The following VPS13B variants were observed in gnomAD, a reference collection of about 807,000 sequenced individuals.
VPS13B encodes the protein vacuolar protein sorting 13 homolog B.
In VPS13B, 285 loss-of-function variants were observed where a neutral mutation model predicts 426.4. The observed-to-expected ratio is 0.67, with a 90% CI of 0.61 to 0.74. The LOEUF (loss-of-function observed/expected upper bound fraction) is 0.74. Among genes scored for constraint, VPS13B ranks in the 30% least tolerant of loss-of-function variants. The pLI is 0.00. For missense variants in VPS13B, 4,537 were observed against 4,782.6 expected, an observed-to-expected ratio of 0.95 and a Z score of 1.51; for synonymous variants, 1,676 against 1,676.4, an observed-to-expected ratio of 1.00 and a Z score of 0.01.
intron 21 of VPS13B, among the ~76,000 whole-genome samples, chr8:99,428,090 A>G (rs1475146385): frequency 2.6e-5 from 4 of 152,190 alleles, no homozygotes; most frequent in Non-Finnish European, 2.9e-5. Context: ...CCATATGTAG[A>G]AAGCTGAAAC....
chr8:99,759,123 C>T (rs1810788901), intron 39 of VPS13B, among the ~76,000 whole-genome samples: 1 of 152,148 alleles, frequency 6.6e-6, no homozygotes, highest in East Asian at 1.9e-4. Flanking sequence ...TGGCTGCCAA[C>T]CTTTTTCTTC....
intron 22 of VPS13B, among the ~76,000 whole-genome samples, chr8:99,439,740 G>C (rs1367474374): frequency 2.0e-5 from 3 of 152,188 alleles, no homozygotes; most frequent in Non-Finnish European, 4.4e-5. Flanking sequence ...TGCTTTATAT[G>C]ATGGGCAGTG....
At chr8:99,719,911 C>G (rs1461710452) in intron 37 of VPS13B, among the ~76,000 whole-genome samples, 1 of 152,096 alleles carries the variant, frequency 6.6e-6, no homozygotes, top group East Asian at 1.9e-4. Flanking sequence ...GAAAGAAACC[C>G]TATAATAAGG....
At chr8:99,752,993 T>A (rs1316700498) in intron 39 of VPS13B, among the ~76,000 whole-genome samples, 2 of 152,140 alleles carry the variant, frequency 1.3e-5, no homozygotes, top group African/African-American at 4.8e-5. Flanking sequence ...CTCTGGAATC[T>A]CCAGGAGTCC....
intron 16 of VPS13B, among the ~76,000 whole-genome samples, chr8:99,188,053 ATTTTTTTTT>A (rs60360700): frequency 1.8e-5 from 2 of 112,766 alleles, no homozygotes; most frequent in Non-Finnish European, 3.5e-5. Context: ...TTGTTTGGAC[ATTTTTTTTT>A]TTTTTTTTTT....
At chr8:99,695,724 G>GAA (rs535503546) in intron 35 of VPS13B, among the ~76,000 whole-genome samples, 3 of 129,264 alleles carry the variant, frequency 2.3e-5, no homozygotes, top group South Asian at 2.5e-4. Flanking sequence ...TCCATACCAA[G>GAA]AAAAAAAAAA....
intron 8 of VPS13B, among the ~76,000 whole-genome samples, chr8:99,123,464 T>A (rs1425320829): frequency 2.6e-5 from 4 of 152,156 alleles, no homozygotes; most frequent in Non-Finnish European, 5.9e-5. Context: ...ACTGTGTAGA[T>A]CATTTTTAGG....
At chr8:99,381,802 A>G (rs2133289108) in intron 19 of VPS13B, among the ~76,000 whole-genome samples, 1 of 151,506 alleles carries the variant, frequency 6.6e-6, no homozygotes, top group Admixed American at 6.6e-5. Context: ...GATGCTGGAT[A>G]TTAGATCTTG....
chr8:99,852,052 G>A (rs1468096094), intron 55 of VPS13B, among the ~76,000 whole-genome samples: 1 of 152,082 alleles, frequency 6.6e-6, no homozygotes. Flanking sequence ...TGCTTCTAAG[G>A]AAAAGTCAAT....
chr8:99,071,544 C>G (rs1304581198), intron 3 of VPS13B, among the ~76,000 whole-genome samples: 1 of 152,156 alleles, frequency 6.6e-6, no homozygotes, highest in Non-Finnish European at 1.5e-5. Context: ...ATCACTGGGT[C>G]TTGTCTAAGG....
At chr8:99,384,350 C>G (rs762851364) in intron 20 of VPS13B, 33 bp downstream of exon 20, 1 of 1,536,926 alleles carries the variant, frequency 6.5e-7, no homozygotes, top group Non-Finnish European at 9.0e-7. Flanking sequence ...TTTCTGTTAA[C>G]AAATATTTTT....
rs534949776 is a variant in VPS13B, at chr8:99,633,758, T to C, written c.5221-8053T>C. On this transcript the variant is annotated intron_variant, in intron 33 of 61. Coordinates refer to ENST00000357162, the MANE Select transcript of VPS13B (RefSeq NM_152564.5). Reference sequence around the variant, plus strand: ...TTTCAAAGCAGGTTGTTGTTTCTTATGTAGAGGCATCTGTTTTGATTAAGG... The same window carrying C: ...TTTCAAAGCAGGTTGTTGTTTCTTACGTAGAGGCATCTGTTTTGATTAAGG... Among the ~76,000 whole-genome samples, 3 of 151,570 alleles carry C rather than the reference T, an allele frequency of 2.0e-5. No homozygotes were observed. The South Asian group carries it at 6.3e-4, about 32-fold the overall frequency.
In VPS13B at chr8:99,717,169, A is replaced by G; in HGVS notation, c.6455-2A>G. ...ATATACTCTTCTGTATTTTTTTTTCAGGCATAATTCTTGGGTCATCATTTC... is the reference window on the plus strand; with the variant it reads ...ATATACTCTTCTGTATTTTTTTTTCGGGCATAATTCTTGGGTCATCATTTC... On this transcript the variant is annotated splice_acceptor_variant, in intron 36 of 61. Transcript: ENST00000357162. LOFTEE classifies it high-confidence loss of function. The G allele has an allele frequency of 6.2e-7, 1 of 1,609,954 alleles. No homozygotes were observed.
At chr8:99,789,581 T>A (rs1236068087) in intron 43 of VPS13B, among the ~76,000 whole-genome samples, 1 of 152,092 alleles carries the variant, frequency 6.6e-6, no homozygotes, top group African/African-American at 2.4e-5. Context: ...ATCTACCCAC[T>A]GGAGAGAAGG....
intron 3 of VPS13B, among the ~76,000 whole-genome samples, chr8:99,043,084 A>G (rs138816337): frequency 1.3e-3 from 192 of 152,284 alleles, no homozygotes; most frequent in African/African-American, 4.3e-3. Context: ...TATCTGCTCT[A>G]TCTAGCAGAA....
Position 99,431,669 on chromosome 8 carries a change from A to C in VPS13B, c.3210+5A>C. 1 of 1,612,106 alleles carries C rather than the reference A, an allele frequency of 6.2e-7. No individual in the cohort carries two copies. On this transcript the variant is annotated splice_donor_5th_base_variant and intron_variant, in intron 22 of 61. Transcript: ENST00000357162. ...GTGAAGCATCTCACACTACAGGTAA[A>C]ATAAAAGTTAGAAATATTATGGATA...
At chr8:99,399,558 T>G (rs1814922801) in intron 21 of VPS13B, among the ~76,000 whole-genome samples, 1 of 152,202 alleles carries the variant, frequency 6.6e-6, no homozygotes, top group South Asian at 2.1e-4. Context: ...TAAATATGAA[T>G]TATCTCTGAT....
In VPS13B at chr8:99,121,176, G is replaced by C. The variant is rs2132515671; in HGVS notation, c.938-1G>C. ...TAAAATGACTTAATTTTAATTGATA[G>C]GTTCTGAAGATGAAACAAGAATAGA... On this transcript the variant is annotated splice_acceptor_variant, in intron 7 of 61. Coordinates refer to ENST00000357162, the MANE Select transcript of VPS13B (RefSeq NM_152564.5). LOFTEE classifies it high-confidence loss of function. 1 of 1,611,844 alleles carries C rather than the reference G, an allele frequency of 6.2e-7. No homozygotes were observed. Among genetic ancestry groups the C allele is most frequent in the Non-Finnish European group, 8.5e-7 (1 of 1,179,066 alleles).
chr8:99,842,134 G>A (rs1247930782), intron 54 of VPS13B, among the ~76,000 whole-genome samples: 4 of 152,154 alleles, frequency 2.6e-5, no homozygotes, highest in Non-Finnish European at 5.9e-5. Context: ...AGAGATATCA[G>A]TAGTACATTT....
Sources: gnomAD v4.1 joint callset for allele counts (sites outside exome capture counted in the v4.1 genomes callset) on GRCh38, gnomAD v4.1.1 for gene constraint, MANE v1.5 for transcripts, NCBI Gene and HGNC (gene_info 2026-07-23, HGNC 2026-07-21) for gene names.